The following KCNB2 variants were observed in gnomAD, a reference collection of about 807,000 sequenced individuals.
The protein encoded by KCNB2 is delayed rectifier potassium channel protein.
Under a neutral mutation model 61.5 loss-of-function variants are expected in KCNB2, and 15 were observed. The observed-to-expected ratio is 0.24, with a 90% CI of 0.16 to 0.38. KCNB2 has a LOEUF of 0.38. Ranked by LOEUF, KCNB2 falls within the 10% of genes least tolerant of loss-of-function variation. KCNB2 has a pLI of 1.00. For synonymous variants in KCNB2, 457 were observed against 446.0 expected (o/e 1.02, Z -0.31); for missense variants, 828 against 1,125.2 (o/e 0.74, Z 3.78).
chr8:72,934,540 A>T (rs1448029238), intron 2 of KCNB2, among the ~76,000 whole-genome samples: 3 of 152,176 alleles, frequency 2.0e-5, no homozygotes, highest in Non-Finnish European at 4.4e-5. Flanking sequence ...ATGTAAACTA[A>T]TTTTTTAACA....
At chr8:72,832,460 T>G (rs1809714180) in intron 2 of KCNB2, among the ~76,000 whole-genome samples, 1 of 152,128 alleles carries the variant, frequency 6.6e-6, no homozygotes, top group African/African-American at 2.4e-5. Context: ...AAGGGAAATT[T>G]GAGAAACAAC....
At chr8:72,929,840 T>C (rs12679922) in intron 2 of KCNB2, among the ~76,000 whole-genome samples, 72,326 of 151,624 alleles carry the variant, frequency 0.48, 17,918 homozygotes, top group East Asian at 0.89. Context: ...AGGGTACAGG[T>C]GCACAAAGTG....
intron 2 of KCNB2, among the ~76,000 whole-genome samples, chr8:72,892,324 G>A (rs534260974): frequency 6.6e-6 from 1 of 152,244 alleles, no homozygotes; most frequent in East Asian, 1.9e-4. Flanking sequence ...AGTGACCTTA[G>A]GAAGGGTTCC....
At chr8:72,652,434 A>G (rs183438132) in intron 2 of KCNB2, among the ~76,000 whole-genome samples, 47 of 152,072 alleles carry the variant, frequency 3.1e-4, no homozygotes, top group East Asian at 7.7e-4. Flanking sequence ...GCCACAGCCA[A>G]TGTTTTTCCA....
At chr8:72,775,721 C>T (rs1808638254) in intron 2 of KCNB2, among the ~76,000 whole-genome samples, 1 of 79,888 alleles carries the variant, frequency 1.3e-5, no homozygotes, top group East Asian at 4.5e-4. Context: ...TATGAATGAG[C>T]TTTAAAAAAA....
chr8:72,848,868 G>A (rs565594928), intron 2 of KCNB2, among the ~76,000 whole-genome samples: 49 of 151,920 alleles, frequency 3.2e-4, no homozygotes, highest in Non-Finnish European at 5.6e-4. Flanking sequence ...ACCTTCTACC[G>A]TCAAGGAGCT....
At chr8:72,614,985 G>C (rs1419184087) in intron 2 of KCNB2, among the ~76,000 whole-genome samples, 2 of 152,142 alleles carry the variant, frequency 1.3e-5, no homozygotes, top group Non-Finnish European at 2.9e-5. Flanking sequence ...GCAGATGATA[G>C]AAGTGGCTAA....
At chr8:72,616,779 C>G (rs1266131818) in intron 2 of KCNB2, among the ~76,000 whole-genome samples, 1 of 152,094 alleles carries the variant, frequency 6.6e-6, no homozygotes, top group East Asian at 1.9e-4. Context: ...GAAGGTATAC[C>G]TGGAGCACAG....
chr8:72,742,105 C>G (rs562114187), intron 2 of KCNB2, among the ~76,000 whole-genome samples: 1 of 152,292 alleles, frequency 6.6e-6, no homozygotes, highest in South Asian at 2.1e-4. Flanking sequence ...GCCCATCAAC[C>G]AACATGTGCT....
chr8:72,610,322 C>A (rs886220112), intron 2 of KCNB2, among the ~76,000 whole-genome samples: 1 of 152,066 alleles, frequency 6.6e-6, no homozygotes, highest in African/African-American at 2.4e-5. Flanking sequence ...GCTTAAAAAC[C>A]GAACTCTAAA....
intron 2 of KCNB2, among the ~76,000 whole-genome samples, chr8:72,883,142 G>A (rs1805745935): frequency 6.6e-6 from 1 of 152,194 alleles, no homozygotes; most frequent in African/African-American, 2.4e-5. Flanking sequence ...TGAGAACATG[G>A]CTGGGGGAGG....
intron 2 of KCNB2, among the ~76,000 whole-genome samples, chr8:72,848,313 T>C (rs1351993966): frequency 1.3e-5 from 2 of 152,336 alleles, no homozygotes; most frequent in Non-Finnish European, 2.9e-5. Context: ...TTGTTGGCTT[T>C]GGTTTCCAAA....
intron 2 of KCNB2, among the ~76,000 whole-genome samples, chr8:72,572,571 CGTCTCT>C (rs1193649532): frequency 6.9e-6 from 1 of 145,572 alleles, no homozygotes; most frequent in Non-Finnish European, 1.5e-5. Context: ...GCTCTCTCTG[CGTCTCT>C]CTCTCTCTCT....
chr8:72,830,247 A>T (rs112424059), intron 2 of KCNB2, among the ~76,000 whole-genome samples: 2 of 146,360 alleles, frequency 1.4e-5, no homozygotes, highest in Non-Finnish European at 3.0e-5. Context: ...AAAAAAAAAA[A>T]AAAGCAGGGA....
chr8:72,682,830 C>G (rs1806783969), intron 2 of KCNB2, among the ~76,000 whole-genome samples: 1 of 152,144 alleles, frequency 6.6e-6, no homozygotes, highest in Non-Finnish European at 1.5e-5. Context: ...TAATCTCAAA[C>G]TCCTGAGCTC....
intron 2 of KCNB2, among the ~76,000 whole-genome samples, chr8:72,790,492 C>T (rs530383569): frequency 7.2e-5 from 11 of 152,110 alleles, no homozygotes; most frequent in African/African-American, 2.4e-4. Flanking sequence ...GCAGAAGTGG[C>T]GTCGTTAGAA....
intron 2 of KCNB2, among the ~76,000 whole-genome samples, chr8:72,589,818 A>G (rs984052795): frequency 5.3e-5 from 8 of 152,348 alleles, no homozygotes; most frequent in Middle Eastern, 3.4e-3. Context: ...CACTAATAAC[A>G]TACATCTGCA....
intron 2 of KCNB2, among the ~76,000 whole-genome samples, chr8:72,687,332 A>G (rs1302546549): frequency 6.6e-6 from 1 of 152,186 alleles, no homozygotes; most frequent in Admixed American, 6.5e-5. Flanking sequence ...TGGAAATTTT[A>G]GACAGCCTTT....
intron 2 of KCNB2, among the ~76,000 whole-genome samples, chr8:72,831,574 C>A (rs1809697183): frequency 1.3e-5 from 2 of 152,196 alleles, no homozygotes; most frequent in Non-Finnish European, 2.9e-5. Context: ...GACATACATG[C>A]ATATTTATGA....
Sources: gnomAD v4.1 joint callset for allele counts (sites outside exome capture counted in the v4.1 genomes callset) on GRCh38, gnomAD v4.1.1 for gene constraint, MANE v1.5 for transcripts, NCBI Gene and HGNC (gene_info 2026-07-23, HGNC 2026-07-21) for gene names.